The following ZMYM4 variants were observed in gnomAD, a reference collection of about 807,000 sequenced individuals.
The protein encoded by ZMYM4 is zinc finger MYM-type protein 4.
A neutral mutation model predicts 183.2 loss-of-function variants in ZMYM4; 31 were observed. The observed-to-expected ratio is 0.17, with a 90% confidence interval of 0.13 to 0.23. The LOEUF is 0.23. ZMYM4 is among the 10% of genes least tolerant of loss of function. The pLI, the probability that ZMYM4 is intolerant of heterozygous loss-of-function variation, is 1.00. For missense variants in ZMYM4, 1,273 were observed against 1,840.3 expected (o/e 0.69, Z 5.64); for synonymous variants, 592 against 631.2 (o/e 0.94, Z 0.93).
chr1:35,270,202 T>C (rs138030114), intron 1 of ZMYM4, among the ~76,000 whole-genome samples: 280 of 152,314 alleles, frequency 1.8e-3, no homozygotes, highest in African/African-American at 5.8e-3. Context: ...TTAAGTAATT[T>C]ACTTAGATCA....
intron 3 of ZMYM4, among the ~76,000 whole-genome samples, chr1:35,360,569 G>A (rs188283033): frequency 3.0e-4 from 46 of 152,104 alleles, no homozygotes; most frequent in Admixed American, 2.0e-4. Flanking sequence ...CCTTCTTGGG[G>A]TATGAGAGTC....
chr1:35,293,605 C>G (rs564099026), intron 1 of ZMYM4, among the ~76,000 whole-genome samples: 2 of 152,274 alleles, frequency 1.3e-5, no homozygotes, highest in East Asian at 3.9e-4. Context: ...GCGTGAGCTC[C>G]TGCGCCCGGC....
At chr1:35,278,639 G>A (rs1396265649) in intron 1 of ZMYM4, among the ~76,000 whole-genome samples, 1 of 151,790 alleles carries the variant, frequency 6.6e-6, no homozygotes, top group Non-Finnish European at 1.5e-5. Context: ...GTTAGGATGG[G>A]CTCCATCTCC....
intron 2 of ZMYM4, among the ~76,000 whole-genome samples, chr1:35,352,269 G>GCGCGCGCGCA (rs1366886543): frequency 7.2e-5 from 9 of 124,526 alleles, no homozygotes; most frequent in African/African-American, 2.7e-4. Flanking sequence ...ACGCGCGCGC[G>GCGCGCGCGCA]CACACACACA....
chr1:35,271,463 C>T (rs1442936459), intron 1 of ZMYM4, among the ~76,000 whole-genome samples: 2 of 152,014 alleles, frequency 1.3e-5, no homozygotes, highest in African/African-American at 4.8e-5. Context: ...AGTGCGGTGG[C>T]GCAATCTCGG....
chr1:35,357,315 C>T (rs1643857412), intron 2 of ZMYM4, among the ~76,000 whole-genome samples: 1 of 152,200 alleles, frequency 6.6e-6, no homozygotes. Context: ...GAACCAGCCA[C>T]ATGAAGGATG....
At chr1:35,350,317 C>A (rs1056634379) in intron 2 of ZMYM4, among the ~76,000 whole-genome samples, 1 of 150,168 alleles carries the variant, frequency 6.7e-6, no homozygotes, top group Admixed American at 6.6e-5. Context: ...GAGACAGAGT[C>A]TTGCTCTGTT....
At chr1:35,287,282 G>A (rs1347057525) in intron 1 of ZMYM4, among the ~76,000 whole-genome samples, 1 of 151,116 alleles carries the variant, frequency 6.6e-6, no homozygotes, top group Non-Finnish European at 1.5e-5. Flanking sequence ...ACCCAGGCTG[G>A]CCTTGAACTC....
intron 2 of ZMYM4, among the ~76,000 whole-genome samples, chr1:35,353,654 T>C (rs1410303234): frequency 6.6e-6 from 1 of 152,246 alleles, no homozygotes; most frequent in Non-Finnish European, 1.5e-5. Context: ...TGTTCTGTTT[T>C]GTTCTCTTGA....
intron 24 of ZMYM4, 82 bp downstream of exon 24, chr1:35,405,276 G>A (rs1370951755): frequency 1.9e-6 from 3 of 1,575,856 alleles, no homozygotes; most frequent in Non-Finnish European, 2.6e-6. Context: ...TACATTTTAG[G>A]TCAAAAACCC....
At chr1:35,375,335 T>G (rs1274336960) in intron 7 of ZMYM4, among the ~76,000 whole-genome samples, 2 of 152,198 alleles carry the variant, frequency 1.3e-5, no homozygotes, top group African/African-American at 4.8e-5. Flanking sequence ...CAGTTTGGTA[T>G]AGTCTGATTT....
intron 1 of ZMYM4, among the ~76,000 whole-genome samples, chr1:35,300,091 G>A (rs141809812): frequency 9.5e-4 from 145 of 152,154 alleles, no homozygotes; most frequent in African/African-American, 3.3e-3. Flanking sequence ...CACTATGCCC[G>A]GCAACAGAGA....
At chr1:35,337,003 C>G (rs1385889251) in intron 2 of ZMYM4, among the ~76,000 whole-genome samples, 4 of 152,122 alleles carry the variant, frequency 2.6e-5, no homozygotes, top group Admixed American at 1.3e-4. Context: ...CCAGCTTCCC[C>G]TTCTGTCATA....
chr1:35,399,322 A>G (rs1353342375), intron 22 of ZMYM4, among the ~76,000 whole-genome samples, 160 bp from the exon 23 acceptor site: 2 of 152,198 alleles, frequency 1.3e-5, no homozygotes, highest in Non-Finnish European at 2.9e-5. Context: ...TCATTTATGC[A>G]CTATATCCTT....
At chr1:35,286,573 C>G (rs557180749) in intron 1 of ZMYM4, among the ~76,000 whole-genome samples, 1 of 150,550 alleles carries the variant, frequency 6.6e-6, no homozygotes, top group African/African-American at 2.4e-5. Context: ...CACTCCTGAG[C>G]CTGCCTGCCT....
At chr1:35,386,855 C>A (rs1644589055) in intron 11 of ZMYM4, 148 bp from the exon 12 acceptor site, 2 of 768,584 alleles carry the variant, frequency 2.6e-6, no homozygotes, top group Admixed American at 3.0e-5. Flanking sequence ...TCCCCCCATT[C>A]CGTAATAAGC....
intron 27 of ZMYM4, among the ~76,000 whole-genome samples, chr1:35,414,379 C>T (rs984605172): frequency 6.6e-6 from 1 of 152,186 alleles, no homozygotes; most frequent in Non-Finnish European, 1.5e-5. Flanking sequence ...CATATCATAT[C>T]TGCTAACAGT....
chr1:35,386,823 A>G (rs1217173789), intron 11 of ZMYM4, among the ~76,000 whole-genome samples, 180 bp from the exon 12 acceptor site: 2 of 152,090 alleles, frequency 1.3e-5, no homozygotes, highest in Admixed American at 6.5e-5. Flanking sequence ...AAGTTATTTT[A>G]TTTTTTCATC....
At chr1:35,334,268 A>G (rs1219807272) in intron 2 of ZMYM4, among the ~76,000 whole-genome samples, 2 of 152,258 alleles carry the variant, frequency 1.3e-5, no homozygotes, top group South Asian at 2.1e-4. Flanking sequence ...ATAGTGAACT[A>G]TGATTATGCC....
Sources: gnomAD v4.1 joint callset for allele counts (sites outside exome capture counted in the v4.1 genomes callset) on GRCh38, gnomAD v4.1.1 for gene constraint, MANE v1.5 for transcripts, NCBI Gene and HGNC (gene_info 2026-07-23, HGNC 2026-07-21) for gene names.